The following KLHL32 variants were observed in gnomAD, a reference collection of about 807,000 sequenced individuals.
KLHL32 encodes the protein kelch like family member 32.
In KLHL32, 35 loss-of-function variants were observed where a neutral mutation model predicts 64.8. The ratio of observed to expected loss-of-function variants is 0.54; its 90% CI spans 0.41 to 0.72. The LOEUF is 0.72. Among genes scored for constraint, KLHL32 ranks in the 30% least tolerant of loss-of-function variants. The pLI, the probability that KLHL32 is intolerant of heterozygous loss-of-function variation, is 0.00. For synonymous variants in KLHL32, 259 were observed against 281.0 expected (o/e 0.92, Z 0.78); for missense variants, 589 against 768.5 (o/e 0.77, Z 2.76).
the KLHL32 span, among the ~76,000 whole-genome samples, chr6:96,917,107 G>C: frequency 6.6e-6 from 1 of 152,118 alleles, no homozygotes; most frequent in Non-Finnish European, 1.5e-5. Flanking sequence ...TTTTGAAGAC[G>C]GGCATATTAG....
intron 5 of KLHL32, among the ~76,000 whole-genome samples, chr6:97,083,445 A>T (rs1283871194): frequency 6.6e-6 from 1 of 151,390 alleles, no homozygotes; most frequent in Non-Finnish European, 1.5e-5. Context: ...GACTGACCCG[A>T]GGCCCCAGCC....
At chr6:96,995,806 T>C (rs1473985335) in intron 3 of KLHL32, among the ~76,000 whole-genome samples, 2 of 152,226 alleles carry the variant, frequency 1.3e-5, no homozygotes, top group South Asian at 2.1e-4. Context: ...AGTTCATATG[T>C]AAGGTTCCCC....
At chr6:96,946,067 TGATAA>T (rs1014877704) in intron 1 of KLHL32, among the ~76,000 whole-genome samples, 3 of 152,176 alleles carry the variant, frequency 2.0e-5, no homozygotes, top group Admixed American at 6.5e-5. Flanking sequence ...TTTACATGAA[TGATAA>T]GATGAGATTC....
chr6:97,040,888 G>T (rs1269078642), intron 3 of KLHL32, among the ~76,000 whole-genome samples: 4 of 152,210 alleles, frequency 2.6e-5, no homozygotes, highest in East Asian at 1.9e-4. Flanking sequence ...TTGTGAAAAA[G>T]GTGCCTTGCT....
chr6:97,119,373 G>T (rs1347933096), intron 7 of KLHL32, among the ~76,000 whole-genome samples: 1 of 152,154 alleles, frequency 6.6e-6, no homozygotes. Flanking sequence ...AAATCTAAGT[G>T]AGATAATAGG....
At chr6:96,985,777 AT>A (rs1292483296) in intron 3 of KLHL32, among the ~76,000 whole-genome samples, 72 of 151,800 alleles carry the variant, frequency 4.7e-4, no homozygotes, top group Non-Finnish European at 9.7e-4. Context: ...CATTCATCTA[AT>A]TTTTTTTCAA....
Position 96,950,205 on chromosome 6 carries a change from G to T in KLHL32, c.-65-16791G>T, listed in dbSNP as rs945061383. On this transcript the variant is annotated intron_variant, in intron 1 of 10. Transcript: ENST00000369261. Reference sequence around the variant, plus strand: ...ATGACAGAGGCAAGTGTTTTTGGAGGTGTCTGAAATTTCTACATTTGTGTT... The same window carrying T: ...ATGACAGAGGCAAGTGTTTTTGGAGTTGTCTGAAATTTCTACATTTGTGTT... Among the ~76,000 whole-genome samples, 10 of 151,382 alleles carry T rather than the reference G, an allele frequency of 6.6e-5. 1 individual carries two copies. The highest frequency in any genetic ancestry group is 5.3e-4 in the Admixed American group (8 of 15,178).
upstream of KLHL32, among the ~76,000 whole-genome samples, chr6:96,922,284 C>A (rs987662166): frequency 6.6e-6 from 1 of 152,172 alleles, no homozygotes; most frequent in African/African-American, 2.4e-5. Flanking sequence ...TTGGGACTCA[C>A]CCATTTCAGC....
At chr6:97,129,299 T>C (rs77705171) in intron 8 of KLHL32, among the ~76,000 whole-genome samples, 1,541 of 152,330 alleles carry the variant, frequency 0.01, 25 homozygotes, top group African/African-American at 0.036. Flanking sequence ...TATGACTTTT[T>C]TTCTGGCCGA....
chr6:96,995,131 G>A (rs996699881), intron 3 of KLHL32, among the ~76,000 whole-genome samples: 2 of 152,160 alleles, frequency 1.3e-5, no homozygotes, highest in African/African-American at 2.4e-5. Flanking sequence ...TTGATACAGA[G>A]ACTTAAGTGA....
chr6:96,928,404 T>G (rs1285910910), intron 1 of KLHL32, among the ~76,000 whole-genome samples: 2 of 152,128 alleles, frequency 1.3e-5, no homozygotes, highest in African/African-American at 2.4e-5. Context: ...GGAAGAACTA[T>G]GGTCTGGAAG....
intron 5 of KLHL32, among the ~76,000 whole-genome samples, chr6:97,070,851 T>C (rs1200701758): frequency 2.6e-5 from 4 of 152,188 alleles, no homozygotes; most frequent in Non-Finnish European, 5.9e-5. Context: ...CCATTATTAA[T>C]ACTTGGAAAT....
intron 1 of KLHL32, among the ~76,000 whole-genome samples, chr6:96,934,218 C>A (rs570881821): frequency 1.3e-5 from 2 of 152,066 alleles, no homozygotes; most frequent in Admixed American, 6.6e-5. Context: ...GAGGTTGTTT[C>A]GAAAATATAG....
intron 1 of KLHL32, among the ~76,000 whole-genome samples, chr6:96,965,875 G>A (rs1191710294): frequency 6.6e-6 from 1 of 151,980 alleles, no homozygotes; most frequent in Non-Finnish European, 1.5e-5. Context: ...ATTAAAAAAA[G>A]AAAATAAGAA....
intron 2 of KLHL32, among the ~76,000 whole-genome samples, chr6:96,969,917 A>G (rs1774924379): frequency 6.6e-6 from 1 of 152,162 alleles, no homozygotes; most frequent in Non-Finnish European, 1.5e-5. Flanking sequence ...CATGTCCCAA[A>G]CCAAATTCAT....
At chr6:97,053,974 CATA>C (rs967545294) in intron 4 of KLHL32, among the ~76,000 whole-genome samples, 2 of 151,984 alleles carry the variant, frequency 1.3e-5, no homozygotes, top group African/African-American at 2.4e-5. Context: ...CTTAAATATT[CATA>C]ATAAGGAATT....
intron 6 of KLHL32, among the ~76,000 whole-genome samples, chr6:97,095,944 A>T (rs1794924818): frequency 6.6e-6 from 1 of 152,118 alleles, no homozygotes. Context: ...AAGTCCATTT[A>T]CATGTAGGTA....
intron 2 of KLHL32, among the ~76,000 whole-genome samples, chr6:96,973,027 C>A (rs1465906266): frequency 6.6e-6 from 1 of 152,188 alleles, no homozygotes; most frequent in Non-Finnish European, 1.5e-5. Context: ...ATTAAGAGGC[C>A]TTTATTTCTT....
chr6:97,079,267 G>A (rs1368434155), intron 5 of KLHL32, among the ~76,000 whole-genome samples: 1 of 152,176 alleles, frequency 6.6e-6, no homozygotes, highest in African/African-American at 2.4e-5. Flanking sequence ...CTCTGCTGCA[G>A]ATGAGACCCA....
Sources: allele counts gnomAD v4.1 joint callset (sites outside exome capture counted in the v4.1 genomes callset), GRCh38; gene constraint gnomAD v4.1.1; transcripts MANE v1.5; gene names NCBI Gene and HGNC (gene_info 2026-07-23, HGNC 2026-07-21).